HTR5A: variants seen among roughly 807,000 people sequenced by gnomAD.
The protein encoded by HTR5A is 5-hydroxytryptamine receptor 5A.
Under a neutral mutation model 24.3 loss-of-function variants are expected in HTR5A, and 21 were observed. The observed-to-expected ratio is 0.86, with a 90% CI of 0.61 to 1.24. The LOEUF (loss-of-function observed/expected upper bound fraction) is 1.24. Among genes scored for constraint, HTR5A ranks in the 50% most tolerant of loss-of-function variants. The pLI, the probability that HTR5A is intolerant of heterozygous loss-of-function variation, is 0.00. For missense variants in HTR5A, 497 were observed against 489.5 expected (o/e 1.02, Z -0.15); for synonymous variants, 260 against 213.7 (o/e 1.22, Z -1.89).
At chr7:155,079,098 G>A (rs1474885348) in intron 1 of HTR5A, among the ~76,000 whole-genome samples, 1 of 151,902 alleles carries the variant, frequency 6.6e-6, no homozygotes, top group Non-Finnish European at 1.5e-5. Flanking sequence ...GGGACCACAG[G>A]GATATGCCAC....
rs1393588553 is a variant in HTR5A at position 155,084,260 on chromosome 7, G to A, written c.847G>A (p.Ala283Thr). Reference sequence around the variant, plus strand: ...GTGGCGGGAGCAGAAGGAGCAGCGGGCCGCCCTCATGGTGGGCATCCTCAT... The same window carrying A: ...GTGGCGGGAGCAGAAGGAGCAGCGGACCGCCCTCATGGTGGGCATCCTCAT... Reference protein sequence around the residue: ...DTWREQKEQRAALMVGILIGV... With the variant: ...DTWREQKEQRTALMVGILIGV... The change falls in exon 2 of 2, where the codon GCC (alanine) becomes ACC (threonine). Residue 283 changes from alanine (A) to threonine (T), a missense_variant. Physicochemically the swap from Ala to Thr is moderately conservative, Grantham distance 58. Coordinates refer to ENST00000287907, the MANE Select transcript of HTR5A (RefSeq NM_024012.4). 3 of 1,614,058 alleles carry A rather than the reference G, an allele frequency of 1.9e-6. No individual in the cohort carries two copies. The South Asian group carries it at 3.3e-5, about 18-fold the overall frequency.
intron 1 of HTR5A, among the ~76,000 whole-genome samples, chr7:155,073,370 A>T (rs1253894933): frequency 6.6e-6 from 1 of 151,270 alleles, no homozygotes; most frequent in Admixed American, 6.6e-5. Context: ...GGCATGTAGT[A>T]TAGAGAGGTC....
chr7:155,081,054 G>C (rs1795411440), intron 1 of HTR5A, among the ~76,000 whole-genome samples: 1 of 152,202 alleles, frequency 6.6e-6, no homozygotes, highest in Non-Finnish European at 1.5e-5. Context: ...ATCAGTTATA[G>C]AACAATCAGT....
chr7:155,073,052 G>A (rs928634279), intron 1 of HTR5A, among the ~76,000 whole-genome samples: 4 of 152,128 alleles, frequency 2.6e-5, no homozygotes, highest in Non-Finnish European at 5.9e-5. Flanking sequence ...CAGGTGCGGT[G>A]GCTCACGCCT....
Position 155,071,122 on chromosome 7 carries a change from C to A in HTR5A, c.223C>A (p.Pro75Thr). 3 of 1,606,012 alleles carry A rather than the reference C, an allele frequency of 1.9e-6. No individual in the cohort carries two copies. The highest frequency in any genetic ancestry group is 2.5e-6 in the Non-Finnish European group (3 of 1,179,952). The change falls in exon 1 of 2, where the codon CCC becomes ACC. Residue 75 changes from proline to threonine, a missense_variant. Pro to Thr is a conservative substitution (Grantham distance 38). Coordinates refer to ENST00000287907, the MANE Select transcript of HTR5A (RefSeq NM_024012.4). ...CCGTGTACGCACCTTCCACCGCGTG[C>A]CCCACAACCTGGTGGCATCCATGGC... ...ILRVRTFHRV[P>T]HNLVASMAVS...
chr7:155,072,709 G>C (rs967033265), intron 1 of HTR5A, among the ~76,000 whole-genome samples: 2 of 152,184 alleles, frequency 1.3e-5, no homozygotes, highest in African/African-American at 4.8e-5. Flanking sequence ...CTATGGGTTT[G>C]GTGCAAGAGG....
chr7:155,077,390 C>T (rs566823680), intron 1 of HTR5A, among the ~76,000 whole-genome samples: 16 of 151,880 alleles, frequency 1.1e-4, no homozygotes, highest in Non-Finnish European at 1.8e-4. Context: ...ACTATATAGC[C>T]AGAAATTTGT....
intron 1 of HTR5A, among the ~76,000 whole-genome samples, chr7:155,080,212 T>C (rs1795401159): frequency 6.6e-6 from 1 of 152,228 alleles, no homozygotes; most frequent in South Asian, 2.1e-4. Context: ...TGCCAGATGA[T>C]ACACCTTCAT....
chr7:155,086,565 A>G lies in HTR5A; in HGVS notation c.*2078A>G, dbSNP rs957650887. Among the ~76,000 whole-genome samples the G allele has an allele frequency of 6.6e-6, 1 of 152,214 alleles. No homozygotes were observed. The highest frequency in any genetic ancestry group is 1.5e-5 in the Non-Finnish European group (1 of 68,030). On this transcript the variant is annotated 3_prime_UTR_variant, in exon 2 of 2. Coordinates refer to ENST00000287907, the MANE Select transcript of HTR5A (RefSeq NM_024012.4). ...AAGATGGATAAGCCTCATTATTCTT[A>G]TCACTCAATATGTATTTAACACCTC...
intron 1 of HTR5A, among the ~76,000 whole-genome samples, chr7:155,081,647 G>A (rs577808830): frequency 2.6e-5 from 4 of 152,164 alleles, no homozygotes; most frequent in African/African-American, 4.8e-5. Flanking sequence ...TTAATAGAGC[G>A]TTATTGTCCA....
At chr7:155,079,026 G>T (rs887353103) in intron 1 of HTR5A, among the ~76,000 whole-genome samples, 1 of 151,596 alleles carries the variant, frequency 6.6e-6, no homozygotes, top group Admixed American at 6.6e-5. Context: ...CACAACCGTA[G>T]CTCACTGCAG....
At chr7:155,076,904 G>C (rs1029477877) in intron 1 of HTR5A, among the ~76,000 whole-genome samples, 1 of 152,134 alleles carries the variant, frequency 6.6e-6, no homozygotes, top group Non-Finnish European at 1.5e-5. Flanking sequence ...TGAACTAAGC[G>C]GTGAACTTAA....
Position 155,084,255 on chromosome 7 carries a change from A to T in HTR5A, c.842A>T (p.Gln281Leu). Residue 281 changes from glutamine to leucine, a missense_variant, in exon 2 of 2, where the codon CAG becomes CTG. Coordinates refer to ENST00000287907, the MANE Select transcript of HTR5A (RefSeq NM_024012.4). ...GACACGTGGCGGGAGCAGAAGGAGC[A>T]GCGGGCCGCCCTCATGGTGGGCATC... is the stretch of plus-strand genomic sequence containing the variant. The part of the protein sequence containing the change: ...EGDTWREQKE[Q>L]RAALMVGILI... 6.2e-7 allele frequency: 1 copy of T among 1,614,178 alleles called. No homozygotes were observed. Among genetic ancestry groups the T allele is most frequent in the Non-Finnish European group, 8.5e-7 (1 of 1,180,034 alleles).
At chr7:155,071,735 G>T in intron 1 of HTR5A, 95 bp downstream of exon 1, 1 of 1,369,176 alleles carries the variant, frequency 7.3e-7, no homozygotes, top group Admixed American at 2.1e-5. Flanking sequence ...TGTAGAAAAT[G>T]GAACTTTTTG....
intron 1 of HTR5A, among the ~76,000 whole-genome samples, chr7:155,072,969 C>T (rs568885757): frequency 2.3e-4 from 35 of 152,170 alleles, no homozygotes; most frequent in Admixed American, 6.5e-4. Flanking sequence ...CATTTCTCAG[C>T]GAAGGGTAAT....
intron 1 of HTR5A, among the ~76,000 whole-genome samples, chr7:155,080,109 CA>C (rs1433857232): frequency 1.3e-5 from 2 of 152,158 alleles, no homozygotes; most frequent in Admixed American, 1.3e-4. Flanking sequence ...CAGGACAAAA[CA>C]AAAACCCATG....
In HTR5A at chr7:155,084,740, C is replaced by A. The variant is rs781428465; in HGVS notation, c.*253C>A. ...TCTGTGCTGACAGTCATGGTCTTTG[C>A]CCGCAAAGTGTCCTTTCCTCCCCAA... is the stretch of plus-strand genomic sequence containing the variant. On this transcript the variant is annotated 3_prime_UTR_variant, in exon 2 of 2. Transcript: ENST00000287907. 2.3e-5 allele frequency: 10 copies of A among 432,130 alleles called. No homozygotes were observed. The highest frequency in any genetic ancestry group is 4.1e-5 in the Non-Finnish European group (10 of 245,260). 26.8% of individuals were successfully genotyped at this position (432,130 alleles called of 1,614,324 possible). A position where few individuals can be genotyped will look rare whatever the true frequency, so the allele number is the denominator to read the frequency against.
intron 1 of HTR5A, among the ~76,000 whole-genome samples, chr7:155,081,592 C>A (rs1037884444): frequency 1.3e-5 from 2 of 152,184 alleles, no homozygotes; most frequent in Non-Finnish European, 2.9e-5. Context: ...AACCCTATTT[C>A]CTCTCTTTCT....
chr7:155,076,510 C>A (rs2581837), intron 1 of HTR5A, among the ~76,000 whole-genome samples: 78,969 of 151,940 alleles, frequency 0.52, 22,281 homozygotes, highest in Non-Finnish European at 0.63. Flanking sequence ...TATTATATAT[C>A]AAACATGGTA....
Sources: gnomAD v4.1 joint callset for allele counts (sites outside exome capture counted in the v4.1 genomes callset) on GRCh38, gnomAD v4.1.1 for gene constraint, MANE v1.5 for transcripts, NCBI Gene and HGNC (gene_info 2026-07-23, HGNC 2026-07-21) for gene names.